SYT7: variants seen among roughly 807,000 people sequenced by gnomAD.
The protein encoded by SYT7 is synaptotagmin-7.
In SYT7, 29 loss-of-function variants were observed where a neutral mutation model predicts 75.1. That is an observed-to-expected ratio of 0.39 (90% CI 0.29 to 0.53). The LOEUF (loss-of-function observed/expected upper bound fraction) is 0.53, where lower values mean the gene tolerates loss of function less well. Among genes scored for constraint, SYT7 ranks in the 20% least tolerant of loss-of-function variants. The probability of loss-of-function intolerance (pLI) is 0.77; values close to 1 mark genes in which losing one functional copy is unlikely to be tolerated. For synonymous variants in SYT7, 376 were observed against 401.7 expected, an observed-to-expected ratio of 0.94 and a Z score of 0.76; for missense variants, 693 against 953.2, an observed-to-expected ratio of 0.73 and a Z score of 3.59.
intron 1 of SYT7, among the ~76,000 whole-genome samples, chr11:61,577,676 G>A (rs181448561): frequency 1.7e-4 from 26 of 152,292 alleles, no homozygotes; most frequent in African/African-American, 5.8e-4. Flanking sequence ...CCCAAGTCAC[G>A]ACCTGCCTAG....
At chr11:61,570,836 C>T (rs1350656487) in intron 1 of SYT7, among the ~76,000 whole-genome samples, 1 of 152,194 alleles carries the variant, frequency 6.6e-6, no homozygotes, top group Non-Finnish European at 1.5e-5. Context: ...GGACAGGTCA[C>T]TGTTCCTCTC....
At chr11:61,537,649 A>G (rs765643133) in intron 7 of SYT7, among the ~76,000 whole-genome samples, 13 of 151,846 alleles carry the variant, frequency 8.6e-5, no homozygotes, top group Non-Finnish European at 1.6e-4. Flanking sequence ...AGACCCTCCC[A>G]CCATGGGCTC....
intron 12 of SYT7, among the ~76,000 whole-genome samples, chr11:61,520,311 C>A (rs2062281204): frequency 6.6e-6 from 1 of 151,762 alleles, no homozygotes; most frequent in African/African-American, 2.4e-5. Flanking sequence ...ATCACTTGAG[C>A]CCAGGAGTTT....
Position 61,542,210 on chromosome 11 carries a change from C to T in SYT7, c.941+1G>A, listed in dbSNP as rs1373004510. 1 of 1,533,450 alleles carries T rather than the reference C, an allele frequency of 6.5e-7. No homozygotes were observed. Among genetic ancestry groups the T allele is most frequent in the South Asian group, 1.2e-5 (1 of 83,950 alleles). The allele number at this position is 1,533,450 out of a possible 1,614,324, so 95.0% of individuals were successfully genotyped here. ...CCGGCCCGCTCAAGGGGAGGACTTA[C>T]AGGAAGGATTTCATGTCCAAGCCTC... On this transcript the variant is annotated splice_donor_variant, in intron 6 of 12. Transcript: ENST00000539008. LOFTEE classifies it high-confidence loss of function. The surrounding 1 kb of genome is among the most constrained non-coding windows in gnomAD (Gnocchi z 7.8).
chr11:61,575,415 A>G (rs1376521903), intron 1 of SYT7, among the ~76,000 whole-genome samples: 1 of 152,132 alleles, frequency 6.6e-6, no homozygotes, highest in Non-Finnish European at 1.5e-5. Flanking sequence ...GCATACACAC[A>G]TGCACAGACC....
intron 1 of SYT7, among the ~76,000 whole-genome samples, chr11:61,558,604 C>G (rs1393023168): frequency 6.6e-6 from 1 of 151,988 alleles, no homozygotes; most frequent in African/African-American, 2.4e-5. Context: ...AACTACCACT[C>G]CAGTGGGGAA....
intron 9 of SYT7, chr11:61,525,884 G>C (rs112891090): frequency 6.5e-6 from 1 of 152,674 alleles, no homozygotes; most frequent in South Asian, 2.1e-4. Context: ...GGCTTGGATG[G>C]GATGCAGAAG....
intron 1 of SYT7, among the ~76,000 whole-genome samples, chr11:61,574,504 ATG>A (rs907923050): frequency 1.3e-5 from 2 of 152,106 alleles, no homozygotes; most frequent in Admixed American, 6.5e-5. Flanking sequence ...AGGACACAGG[ATG>A]TGTTTGGTGA....
chr11:61,564,418 C>T (rs1241055262), intron 1 of SYT7, among the ~76,000 whole-genome samples: 2 of 152,180 alleles, frequency 1.3e-5, no homozygotes, highest in African/African-American at 4.8e-5. Flanking sequence ...ATTACAGTAA[C>T]GAATGTATGC....
chr11:61,585,256 C>T (rs530734516), upstream of SYT7, among the ~76,000 whole-genome samples: 103 of 152,302 alleles, frequency 6.8e-4, 1 homozygote, highest in Non-Finnish European at 1.2e-3. Flanking sequence ...TTCCCCCTAC[C>T]CCCACCCCCT....
chr11:61,550,682 G>A (rs774072564), intron 3 of SYT7, among the ~76,000 whole-genome samples: 7 of 152,104 alleles, frequency 4.6e-5, no homozygotes, highest in Non-Finnish European at 8.8e-5. Context: ...GAGCCCAGGT[G>A]GCCTGAGTCC....
rs2063202035 is a variant in SYT7 at position 61,546,721 on chromosome 11, T to C, written c.347+456A>G. The C allele has an allele frequency of 2.2e-6, 1 of 446,768 alleles. No individual in the cohort carries two copies. Among genetic ancestry groups the C allele is most frequent in the Admixed American group, 2.4e-5 (1 of 41,338 alleles). 27.7% of individuals were successfully genotyped at this position (446,768 alleles called of 1,614,324 possible). ...AGAAAGCCGTGTTAGTCAGAGTTCA[T>C]CACCACCACCACCACCATCACCGCC... On this transcript the variant is annotated intron_variant, in intron 4 of 12. Transcript: ENST00000539008. This position sits in a 1 kb window ranked among gnomAD's most constrained non-coding sequence, Gnocchi z 7.6.
At chr11:61,532,664 G>A (rs939341038) in intron 8 of SYT7, among the ~76,000 whole-genome samples, 1 of 152,240 alleles carries the variant, frequency 6.6e-6, no homozygotes, top group African/African-American at 2.4e-5. Context: ...TATCTTGCAT[G>A]AGTGGGTTTT....
chr11:61,551,539 A>AG lies in SYT7; in HGVS notation c.136-77dup. ...CTACCTCCCCAGAACAGGGACCCGG[A>AG]GGGGAAGGAGATAGACTGGAGTCGG... On this transcript the variant is annotated intron_variant, in intron 2 of 12. Coordinates refer to ENST00000539008, the MANE Select transcript of SYT7 (RefSeq NM_001365809.2). This position sits in a 1 kb window ranked among gnomAD's most constrained non-coding sequence, Gnocchi z 5.3. 1 of 1,464,130 alleles carries AG rather than the reference A, an allele frequency of 6.8e-7. No homozygotes were observed. 90.7% of individuals were successfully genotyped at this position (1,464,130 alleles called of 1,614,324 possible). A position where few individuals can be genotyped will look rare whatever the true frequency, so the allele number is the denominator to read the frequency against.
chr11:61,547,115 G>T, intron 4 of SYT7, 62 bp downstream of exon 4: 1 of 1,514,626 alleles, frequency 6.6e-7, no homozygotes, highest in Non-Finnish European at 8.8e-7. Context: ...GGGGCAGGAG[G>T]AGGGAAGGAG....
the SYT7 span, among the ~76,000 whole-genome samples, chr11:61,587,665 C>T: frequency 1.5e-4 from 23 of 151,400 alleles, no homozygotes; most frequent in Non-Finnish European, 2.9e-4. Context: ...GAGGCGTCTC[C>T]GCTCTTAATA....
chr11:61,521,312 G>A (rs777654605), intron 12 of SYT7, among the ~76,000 whole-genome samples: 25 of 152,228 alleles, frequency 1.6e-4, no homozygotes, highest in Admixed American at 2.6e-4. Flanking sequence ...CAGAAGGTAG[G>A]CCTGTTTCAG....
chr11:61,533,211 G>T, intron 7 of SYT7, 87 bp from the exon 8 acceptor site: 1 of 1,489,340 alleles, frequency 6.7e-7, no homozygotes, highest in South Asian at 1.3e-5. Flanking sequence ...GACCTTCTCT[G>T]AAGACCCCAG....
chr11:61,534,280 G>A (rs2062798041), intron 7 of SYT7, among the ~76,000 whole-genome samples: 2 of 152,222 alleles, frequency 1.3e-5, no homozygotes, highest in Non-Finnish European at 2.9e-5. Flanking sequence ...CCAGCACACA[G>A]GTGACCACGA....
Sources: allele counts gnomAD v4.1 joint callset (sites outside exome capture counted in the v4.1 genomes callset), GRCh38; gene constraint gnomAD v4.1.1; non-coding constraint Gnocchi (gnomAD v3.1); transcripts MANE v1.5; gene names NCBI Gene and HGNC (gene_info 2026-07-23, HGNC 2026-07-21).